The following SUCLG2 variants were observed in gnomAD, a reference collection of about 807,000 sequenced individuals.
SUCLG2 encodes the protein succinate-CoA ligase GDP-forming subunit beta, also known as succinate--CoA ligase [GDP-forming] subunit beta, mitochondrial.
In SUCLG2, 42 loss-of-function variants were observed where a neutral mutation model predicts 47.9. The observed-to-expected ratio is 0.88, with a 90% confidence interval of 0.69 to 1.14. The LOEUF (loss-of-function observed/expected upper bound fraction) is 1.14. Ranked by LOEUF, SUCLG2 falls within the 50% of genes most tolerant of loss-of-function variation. The pLI is 0.00. For synonymous variants in SUCLG2, 195 were observed against 197.3 expected, an observed-to-expected ratio of 0.99 and a Z score of 0.10; for missense variants, 571 against 525.9, an observed-to-expected ratio of 1.09 and a Z score of -0.84.
rs1448490392 is a variant in SUCLG2, at chr3:67,619,156, G to A, written c.85-9560C>T. On this transcript the variant is annotated intron_variant, in intron 1 of 10. Coordinates refer to ENST00000307227, the MANE Select transcript of SUCLG2 (RefSeq NM_003848.4). ...TTTTAGAATTCATTCTTCTTGGGGT[G>A]CCTTGGCAAAGTCTTACGTTGCTGA... is the stretch of plus-strand genomic sequence containing the variant. Among the ~76,000 whole-genome samples the A allele has an allele frequency of 2.0e-5, 3 of 152,220 alleles. No homozygotes were observed. In the East Asian group the frequency reaches 5.8e-4, roughly 29 times the overall value.
chr3:67,483,916 A>G (rs1470181216), intron 9 of SUCLG2, among the ~76,000 whole-genome samples: 1 of 152,156 alleles, frequency 6.6e-6, no homozygotes, highest in Non-Finnish European at 1.5e-5. Flanking sequence ...TCTGCCTGGT[A>G]CTTGAGTCTC....
At chr3:67,518,193 C>T in intron 6 of SUCLG2, 54 bp downstream of exon 6, 1 of 1,448,950 alleles carries the variant, frequency 6.9e-7, no homozygotes, top group African/African-American at 1.4e-5. Context: ...GAAGCAAGTT[C>T]CCAAATGTTT....
At chr3:67,629,067 C>T (rs928227987) in intron 1 of SUCLG2, among the ~76,000 whole-genome samples, 4 of 152,162 alleles carry the variant, frequency 2.6e-5, no homozygotes, top group African/African-American at 4.8e-5. Context: ...CTGTTCGGTA[C>T]GCTTTGGTGT....
At chr3:67,400,045 C>G (rs190170529) in intron 10 of SUCLG2, among the ~76,000 whole-genome samples, 3 of 152,002 alleles carry the variant, frequency 2.0e-5, no homozygotes, top group Admixed American at 2.0e-4. Context: ...AACAAACGGA[C>G]AAAACTACTC....
intron 10 of SUCLG2, among the ~76,000 whole-genome samples, chr3:67,399,217 C>G (rs939103708): frequency 6.6e-6 from 1 of 151,996 alleles, no homozygotes; most frequent in African/African-American, 2.4e-5. Context: ...CATTAAACCT[C>G]AACCCTTGAT....
chr3:67,487,325 T>C (rs896639548), intron 9 of SUCLG2, among the ~76,000 whole-genome samples: 40 of 152,158 alleles, frequency 2.6e-4, no homozygotes, highest in Non-Finnish European at 1.0e-4. Context: ...GACACTAACA[T>C]GCATGAGGTG....
At chr3:67,506,487 A>T (rs899971478) in intron 7 of SUCLG2, among the ~76,000 whole-genome samples, 11 of 151,376 alleles carry the variant, frequency 7.3e-5, no homozygotes, top group Admixed American at 6.6e-4. Flanking sequence ...CTTAAAAAAA[A>T]ATCTCAAGAC....
chr3:67,360,682 T>C, exon 11 of SUCLG2: 1 of 1,527,484 alleles, frequency 6.5e-7, no homozygotes, highest in South Asian at 1.2e-5. Flanking sequence ...TGGGCGACGT[T>C]CTCTTGGATA....
intron 9 of SUCLG2, chr3:67,408,963 C>T (rs1480660935): frequency 6.5e-7 from 1 of 1,534,896 alleles, no homozygotes; most frequent in South Asian, 1.2e-5. Flanking sequence ...GGTCCTATTT[C>T]CAAGCTTCAA....
At chr3:67,523,458 T>C (rs1481795616) in intron 4 of SUCLG2, among the ~76,000 whole-genome samples, 3 of 152,184 alleles carry the variant, frequency 2.0e-5, no homozygotes, top group Non-Finnish European at 4.4e-5. Flanking sequence ...CATCAGTCAG[T>C]GCCTAATTCT....
At chr3:67,453,675 G>A (rs1379976317) in intron 9 of SUCLG2, among the ~76,000 whole-genome samples, 1 of 152,170 alleles carries the variant, frequency 6.6e-6, no homozygotes, top group Non-Finnish European at 1.5e-5. Context: ...CTACAAATCA[G>A]GAAGTAAGAA....
intron 9 of SUCLG2, among the ~76,000 whole-genome samples, chr3:67,440,977 C>A (rs1298080547): frequency 6.6e-6 from 1 of 152,202 alleles, no homozygotes; most frequent in African/African-American, 2.4e-5. Flanking sequence ...TGGAACCAAT[C>A]CAAATGCCCA....
At chr3:67,443,967 G>GGT in intron 9 of SUCLG2, among the ~76,000 whole-genome samples, 1 of 117,574 alleles carries the variant, frequency 8.5e-6, no homozygotes. Context: ...GGTGGGGGGG[G>GGT]GTCAGCCCCC....
chr3:67,393,301 T>A (rs369900725), intron 10 of SUCLG2, among the ~76,000 whole-genome samples: 3 of 152,248 alleles, frequency 2.0e-5, no homozygotes, highest in African/African-American at 7.2e-5. Flanking sequence ...ACCTGGAAAA[T>A]CGGGTCACTC....
intron 9 of SUCLG2, among the ~76,000 whole-genome samples, chr3:67,448,512 G>A (rs1476047846): frequency 1.3e-5 from 2 of 152,130 alleles, no homozygotes; most frequent in African/African-American, 4.8e-5. Context: ...AGCCTCCTGA[G>A]TAGCTGGGAT....
chr3:67,624,854 T>C (rs1700795506), intron 1 of SUCLG2, among the ~76,000 whole-genome samples: 6 of 152,240 alleles, frequency 3.9e-5, no homozygotes, highest in Admixed American at 3.9e-4. Context: ...CCTGTCACAC[T>C]GTCCAGGAAA....
At chr3:67,547,738 A>C (rs1043181182) in intron 2 of SUCLG2, among the ~76,000 whole-genome samples, 1 of 152,124 alleles carries the variant, frequency 6.6e-6, no homozygotes, top group Non-Finnish European at 1.5e-5. Context: ...CTAAATTAAC[A>C]CTGACTTGGG....
At position 67,375,866 on chromosome 3, in the gene SUCLG2, G is replaced by A. The variant is rs185820586; in HGVS notation, c.1184-7C>T. On this transcript the variant is annotated splice_polypyrimidine_tract_variant and splice_region_variant and intron_variant, in intron 10 of 10. Transcript: ENST00000307227. ...GCCTCTTGGACGTTGGTTCCTAGAA[G>A]GGGGACAGGGAACAATCACTGAATG... 0.01 allele frequency: 16,658 copies of A among 1,611,836 alleles called. 149 individuals carry two copies. Among genetic ancestry groups the A allele is most frequent in the South Asian group, 0.022 (2,015 of 90,442 alleles).
intron 10 of SUCLG2, among the ~76,000 whole-genome samples, chr3:67,393,178 T>G (rs1349671992): frequency 1.3e-5 from 2 of 152,136 alleles, no homozygotes; most frequent in Admixed American, 1.3e-4. Flanking sequence ...CGCAGGACAG[T>G]GCGTGCAGCG....
Sources: allele counts gnomAD v4.1 joint callset (sites outside exome capture counted in the v4.1 genomes callset), GRCh38; gene constraint gnomAD v4.1.1; transcripts MANE v1.5; gene names NCBI Gene and HGNC (gene_info 2026-07-23, HGNC 2026-07-21).